AKAP19: variants seen among roughly 807,000 people sequenced by gnomAD.
AKAP19 encodes the protein small A-kinase anchoring protein.
chr2:189,938,584 G>A, the AKAP19 span, among the ~76,000 whole-genome samples: 3 of 152,094 alleles, frequency 2.0e-5, no homozygotes, highest in South Asian at 4.1e-4. Context: ...GGCTAGGAAG[G>A]GTGGTGGGGA....
At chr2:190,199,244 T>C in the AKAP19 span, among the ~76,000 whole-genome samples, 15 of 152,176 alleles carry the variant, frequency 9.9e-5, no homozygotes, top group Non-Finnish European at 1.6e-4. Flanking sequence ...TAGTACATAT[T>C]TTAAGCTTTG....
the AKAP19 span, among the ~76,000 whole-genome samples, chr2:190,000,208 T>C: frequency 1.3e-5 from 2 of 152,228 alleles, no homozygotes; most frequent in African/African-American, 4.8e-5. Flanking sequence ...GGGAAAAGAT[T>C]GGCTAACTTG....
chr2:189,943,200 T>C, the AKAP19 span, among the ~76,000 whole-genome samples: 1 of 152,104 alleles, frequency 6.6e-6, no homozygotes, highest in Admixed American at 6.5e-5. Flanking sequence ...GAAAGAATGG[T>C]TTTCTGGGCC....
chr2:190,178,708 C>G, the AKAP19 span, among the ~76,000 whole-genome samples: 2 of 152,232 alleles, frequency 1.3e-5, no homozygotes, highest in African/African-American at 2.4e-5. This position sits in a 1 kb window ranked among gnomAD's most constrained non-coding sequence, Gnocchi z 6.3. Context: ...AGACCAAAGG[C>G]TGGTCCAATT....
chr2:189,885,172 A>C, the AKAP19 span, among the ~76,000 whole-genome samples: 1 of 152,144 alleles, frequency 6.6e-6, no homozygotes, highest in Non-Finnish European at 1.5e-5. Flanking sequence ...CCACTCTCGA[A>C]TCTGAGCTAG....
chr2:189,972,731 T>G, the AKAP19 span, among the ~76,000 whole-genome samples: 2 of 152,170 alleles, frequency 1.3e-5, no homozygotes, highest in Non-Finnish European at 2.9e-5. Context: ...GGTATTTTAT[T>G]CTCTTTGAAG....
At chr2:190,187,767 T>C in the AKAP19 span, among the ~76,000 whole-genome samples, 2 of 152,114 alleles carry the variant, frequency 1.3e-5, no homozygotes, top group Non-Finnish European at 2.9e-5. Context: ...AGCCAGAGAA[T>C]AGTTTGAACC....
chr2:189,908,984 G>A, the AKAP19 span, among the ~76,000 whole-genome samples: 7 of 152,012 alleles, frequency 4.6e-5, no homozygotes, highest in East Asian at 1.9e-4. Flanking sequence ...TTGTATTGCT[G>A]TCCATCTCTC....
chr2:189,899,992 T>G, the AKAP19 span, among the ~76,000 whole-genome samples: 3 of 152,144 alleles, frequency 2.0e-5, no homozygotes, highest in Non-Finnish European at 4.4e-5. Context: ...TATAATAGTA[T>G]TAAACATCCT....
At chr2:190,087,510 A>G in the AKAP19 span, among the ~76,000 whole-genome samples, 2 of 152,230 alleles carry the variant, frequency 1.3e-5, no homozygotes, top group Non-Finnish European at 2.9e-5. Context: ...TTTAGTAAGC[A>G]TTAATTTGGG....
the AKAP19 span, among the ~76,000 whole-genome samples, chr2:189,906,238 C>G: frequency 6.6e-6 from 1 of 152,148 alleles, no homozygotes; most frequent in South Asian, 2.1e-4. Flanking sequence ...GAACCTATAT[C>G]TCAATTCTGC....
At chr2:190,069,421 C>T in the AKAP19 span, among the ~76,000 whole-genome samples, 1 of 151,888 alleles carries the variant, frequency 6.6e-6, no homozygotes, top group African/African-American at 2.4e-5. Flanking sequence ...AGTAACCAAC[C>T]ACTCCCCAAG....
chr2:190,167,763 C>T, the AKAP19 span, among the ~76,000 whole-genome samples: 3 of 152,234 alleles, frequency 2.0e-5, no homozygotes, highest in Non-Finnish European at 4.4e-5. Context: ...ACATCCAGGT[C>T]ATGCTAATGC....
chr2:189,884,619 T>TA, the AKAP19 span, among the ~76,000 whole-genome samples: 5 of 152,086 alleles, frequency 3.3e-5, no homozygotes, highest in Non-Finnish European at 5.9e-5. Context: ...TATTCCCCCA[T>TA]AAAAAAATAA....
At chr2:190,049,837 C>T in the AKAP19 span, among the ~76,000 whole-genome samples, 1 of 152,194 alleles carries the variant, frequency 6.6e-6, no homozygotes, top group Non-Finnish European at 1.5e-5. Flanking sequence ...CATGTGTGTA[C>T]ACACATGTAT....
the AKAP19 span, among the ~76,000 whole-genome samples, chr2:190,009,396 G>GAT: frequency 6.6e-6 from 1 of 152,124 alleles, no homozygotes; most frequent in Non-Finnish European, 1.5e-5. Context: ...TTGGATTCAG[G>GAT]ATATATATTT....
the AKAP19 span, among the ~76,000 whole-genome samples, chr2:190,159,797 A>G: frequency 2.6e-5 from 4 of 152,236 alleles, no homozygotes; most frequent in African/African-American, 9.6e-5. Flanking sequence ...AAGTATGTGA[A>G]AAGACAAGTT....
At chr2:190,008,441 T>G in the AKAP19 span, among the ~76,000 whole-genome samples, 2 of 152,150 alleles carry the variant, frequency 1.3e-5, no homozygotes, top group African/African-American at 4.8e-5. Context: ...CTCATTATGG[T>G]GTTTTACCAG....
the AKAP19 span, among the ~76,000 whole-genome samples, chr2:190,016,207 G>A: frequency 6.6e-6 from 1 of 152,294 alleles, no homozygotes; most frequent in East Asian, 1.9e-4. Flanking sequence ...TTTTCACACT[G>A]TTATAAAGAA....
Sources: allele counts gnomAD v4.1 joint callset (sites outside exome capture counted in the v4.1 genomes callset), GRCh38; gene constraint gnomAD v4.1.1; non-coding constraint Gnocchi (gnomAD v3.1); transcripts MANE v1.5; gene names NCBI Gene and HGNC (gene_info 2026-07-23, HGNC 2026-07-21).